ARHGAP12: variants seen among roughly 807,000 people sequenced by gnomAD.
ARHGAP12 encodes rho GTPase-activating protein 12.
ARHGAP12 carries 64 observed loss-of-function variants against 108.6 expected under a neutral mutation model. That is an observed-to-expected ratio of 0.59 (90% CI 0.48 to 0.73). The LOEUF (loss-of-function observed/expected upper bound fraction) is 0.73. Among genes scored for constraint, ARHGAP12 ranks in the 30% least tolerant of loss-of-function variants. The pLI, the probability that ARHGAP12 is intolerant of heterozygous loss-of-function variation, is 0.00. For missense variants in ARHGAP12, 940 were observed against 1,005.9 expected (o/e 0.93, Z 0.89); for synonymous variants, 312 against 337.2 (o/e 0.93, Z 0.82).
intron 1 of ARHGAP12, among the ~76,000 whole-genome samples, chr10:31,922,959 C>G (rs897301347): frequency 6.6e-6 from 1 of 151,890 alleles, no homozygotes; most frequent in Non-Finnish European, 1.5e-5. Context: ...ACGAACCCGT[C>G]TCTACAAAAA....
chr10:31,808,893 T>C, intron 18 of ARHGAP12, 101 bp downstream of exon 18: 11 of 1,381,634 alleles, frequency 8.0e-6, no homozygotes, highest in Non-Finnish European at 1.1e-5. Flanking sequence ...AACAATCTGT[T>C]GAAAATACTT....
At chr10:31,843,361 CAA>C in intron 7 of ARHGAP12, 98 bp downstream of exon 7, 4 of 1,269,118 alleles carry the variant, frequency 3.2e-6, no homozygotes, top group Non-Finnish European at 4.3e-6. Context: ...AATGTTTTAG[CAA>C]AGAATATTTA....
intron 3 of ARHGAP12, among the ~76,000 whole-genome samples, chr10:31,904,430 T>C (rs984338019): frequency 3.3e-5 from 5 of 152,146 alleles, no homozygotes; most frequent in Admixed American, 6.5e-5. Flanking sequence ...TGAGTGGTGA[T>C]TGGGGTTAAG....
At chr10:31,916,969 G>A (rs550650869) in intron 1 of ARHGAP12, among the ~76,000 whole-genome samples, 17 of 152,214 alleles carry the variant, frequency 1.1e-4, no homozygotes, top group African/African-American at 2.9e-4. Flanking sequence ...ATCCAGATAC[G>A]TATAACCTAT....
intron 3 of ARHGAP12, among the ~76,000 whole-genome samples, chr10:31,899,868 A>G (rs1036448048): frequency 6.6e-6 from 1 of 152,192 alleles, no homozygotes; most frequent in Non-Finnish European, 1.5e-5. Context: ...ATAATTGTTT[A>G]GTTTTGTACT....
chr10:31,843,540 C>T lies in ARHGAP12; in HGVS notation c.1217G>A (p.Ser406Asn), dbSNP rs1244180257. ...TGGTTCTTGCAGCCGCCTGTCCAGG[C>T]TCCTACTTTTAATTATTTCTCTTTG... Reference protein sequence around the residue: ...QQQREIIKSRSLDRRLQEPIV... With the variant: ...QQQREIIKSRNLDRRLQEPIV... The change falls in exon 7 of 20, where the codon AGC (serine) becomes AAC (asparagine). Residue 406 changes from serine to asparagine, a missense_variant. Coordinates refer to ENST00000344936, the MANE Select transcript of ARHGAP12 (RefSeq NM_018287.7). The T allele has an allele frequency of 6.2e-7, 1 of 1,611,594 alleles. No homozygotes were observed. Among genetic ancestry groups the T allele is most frequent in the Non-Finnish European group, 8.5e-7 (1 of 1,179,276 alleles).
In ARHGAP12 at chr10:31,839,317, G is replaced by A. The variant is rs1233999890; in HGVS notation, c.1374C>T (p.Ala458=). The part of the protein sequence containing the change: ...SPSSPKHQDT[A]SSPKDQEKYG... The stretch of plus-strand genomic sequence containing the variant: ...GATTGCTTCTTACCTTTGGACTGCT[G>A]GCCTGAGGAAAAAAAGAGTAAAGTA... Residue 458 remains alanine (A), a splice_region_variant and synonymous_variant, in exon 9 of 20, where the codon GCC becomes GCT. Coordinates refer to ENST00000344936, the MANE Select transcript of ARHGAP12 (RefSeq NM_018287.7). The A allele has an allele frequency of 1.2e-6, 2 of 1,609,284 alleles. No homozygotes were observed. The highest frequency in any genetic ancestry group is 1.7e-6 in the Non-Finnish European group (2 of 1,177,322).
chr10:31,897,947 A>C (rs1248891377), intron 3 of ARHGAP12, among the ~76,000 whole-genome samples: 3 of 152,042 alleles, frequency 2.0e-5, no homozygotes, highest in Non-Finnish European at 4.4e-5. Context: ...GCAACAAGGT[A>C]AAATCCCATC....
chr10:31,923,125 C>T (rs1362279560), intron 1 of ARHGAP12, among the ~76,000 whole-genome samples: 1 of 89,868 alleles, frequency 1.1e-5, no homozygotes. Context: ...GAGCAAGACC[C>T]TAACAGGAAA....
intron 11 of ARHGAP12, 84 bp from the exon 12 acceptor site, chr10:31,820,572 TAAC>T (rs1254014395): frequency 4.5e-6 from 3 of 673,076 alleles, no homozygotes; most frequent in South Asian, 3.2e-5. Flanking sequence ...AATTTTATAT[TAAC>T]AATAAATCAA....
intron 1 of ARHGAP12, among the ~76,000 whole-genome samples, chr10:31,922,180 CAAAAAAAAAAAAAA>C (rs56210740): frequency 0.011 from 705 of 65,920 alleles, 6 homozygotes; most frequent in African/African-American, 0.043. Flanking sequence ...GACCCTGCCT[CAAAAAAAAAAAAAA>C]AAAAAAAAAA....
intron 15 of ARHGAP12, among the ~76,000 whole-genome samples, chr10:31,812,189 A>AT (rs1202732385): frequency 1.3e-5 from 2 of 152,248 alleles, no homozygotes; most frequent in East Asian, 1.9e-4. Flanking sequence ...AAGTAATGTG[A>AT]TTTTTTTAAA....
intron 10 of ARHGAP12, among the ~76,000 whole-genome samples, chr10:31,828,345 A>G (rs1835702633): frequency 1.3e-5 from 2 of 151,968 alleles, no homozygotes; most frequent in Admixed American, 1.3e-4. Flanking sequence ...TAGTCCATTT[A>G]CATTTACTGA....
intron 1 of ARHGAP12, 128 bp from the exon 2 acceptor site, chr10:31,910,691 A>G (rs1839307148): frequency 6.6e-6 from 1 of 152,296 alleles, no homozygotes; most frequent in Admixed American, 6.5e-5. Flanking sequence ...AAAGTTTTAT[A>G]CATCAAGATT....
chr10:31,874,973 CAAAAAAAAAAAAAA>C (rs59050160), intron 3 of ARHGAP12, among the ~76,000 whole-genome samples: 17 of 58,332 alleles, frequency 2.9e-4, no homozygotes, highest in East Asian at 7.1e-4. Flanking sequence ...GACTCTGTCT[CAAAAAAAAAAAAAA>C]AAAAAAAAAA....
intron 3 of ARHGAP12, among the ~76,000 whole-genome samples, chr10:31,864,385 C>T (rs914137421): frequency 2.0e-5 from 3 of 151,980 alleles, no homozygotes; most frequent in Non-Finnish European, 2.9e-5. Context: ...TTTGTAAAAC[C>T]TTCCTCAGGT....
At chr10:31,918,734 C>T (rs1447610675) in intron 1 of ARHGAP12, among the ~76,000 whole-genome samples, 10 of 152,092 alleles carry the variant, frequency 6.6e-5, no homozygotes. Flanking sequence ...AAATAAATAA[C>T]AAATGTTTGT....
intron 7 of ARHGAP12, among the ~76,000 whole-genome samples, chr10:31,840,421 T>C (rs1214367985): frequency 6.6e-6 from 1 of 152,056 alleles, no homozygotes; most frequent in East Asian, 1.9e-4. Context: ...TTACAGATGT[T>C]GATAGGACTA....
At chr10:31,880,178 CT>C (rs1837885987) in intron 3 of ARHGAP12, among the ~76,000 whole-genome samples, 1 of 152,070 alleles carries the variant, frequency 6.6e-6, no homozygotes, top group African/African-American at 2.4e-5. Context: ...CAGTTTTTGC[CT>C]TCTTTATTTT....
Sources: allele counts gnomAD v4.1 joint callset (sites outside exome capture counted in the v4.1 genomes callset), GRCh38; gene constraint gnomAD v4.1.1; transcripts MANE v1.5; gene names NCBI Gene and HGNC (gene_info 2026-07-23, HGNC 2026-07-21).